The following TMEM150C variants were observed in gnomAD, a reference collection of about 807,000 sequenced individuals.
TMEM150C encodes the protein tentonin 3.
Under a neutral mutation model 29.9 loss-of-function variants are expected in TMEM150C, and 10 were observed. The observed-to-expected ratio is 0.33, with a 90% confidence interval of 0.21 to 0.57. TMEM150C has a LOEUF of 0.57. Among genes scored for constraint, TMEM150C ranks in the 20% least tolerant of loss-of-function variants. The pLI, the probability that TMEM150C is intolerant of heterozygous loss-of-function variation, is 0.88. For missense variants in TMEM150C, 251 were observed against 303.6 expected (o/e 0.83, Z 1.29); for synonymous variants, 101 against 112.5 (o/e 0.90, Z 0.64).
At chr4:82,490,355 TG>T in intron 6 of TMEM150C, 117 bp from the exon 7 acceptor site, 1 of 896,350 alleles carries the variant, frequency 1.1e-6, no homozygotes. Context: ...AATAATGGGA[TG>T]ATAGATTGCA....
rs577973648 is a variant in TMEM150C, at chr4:82,545,856, C to T, written c.-11+16050G>A. On this transcript the variant is annotated intron_variant, in intron 1 of 7. Coordinates refer to ENST00000449862, the MANE Select transcript of TMEM150C (RefSeq NM_001080506.3). ...ATGAGAATTGCTGGAACCCAGGAGGCGGAGGTTGCAGTGAGCTGAGATTGC... is the reference window on the plus strand; with the variant it reads ...ATGAGAATTGCTGGAACCCAGGAGGTGGAGGTTGCAGTGAGCTGAGATTGC... 8.8e-4 allele frequency among the ~76,000 whole-genome samples: 133 copies of T among 151,838 alleles called. 1 individual carries two copies. The highest frequency in any genetic ancestry group is 1.6e-3 in the Non-Finnish European group (108 of 67,954).
intron 1 of TMEM150C, among the ~76,000 whole-genome samples, chr4:82,553,511 G>A (rs994705140): frequency 2.6e-5 from 4 of 152,122 alleles, no homozygotes; most frequent in African/African-American, 7.2e-5. Flanking sequence ...AATAAATTGC[G>A]TGCCTTCCAA....
chr4:82,536,356 C>CAAAAAA (rs567469021), intron 1 of TMEM150C, among the ~76,000 whole-genome samples: 10 of 80,460 alleles, frequency 1.2e-4, no homozygotes, highest in Non-Finnish European at 2.2e-4. Flanking sequence ...GACTCCATCT[C>CAAAAAA]AAAAAAAAAA....
intron 1 of TMEM150C, among the ~76,000 whole-genome samples, chr4:82,529,290 CCTTT>C (rs1392459234): frequency 3.1e-4 from 42 of 133,804 alleles, no homozygotes; most frequent in Non-Finnish European, 5.1e-4. Context: ...TTCCTTCCTT[CCTTT>C]TTCTTTTTTT....
At chr4:82,529,652 G>A (rs1724772921) in intron 1 of TMEM150C, among the ~76,000 whole-genome samples, 1 of 152,166 alleles carries the variant, frequency 6.6e-6, no homozygotes, top group Non-Finnish European at 1.5e-5. Context: ...GTGAGGGCTG[G>A]AGAGAGGTCA....
intron 5 of TMEM150C, among the ~76,000 whole-genome samples, chr4:82,501,399 CG>C (rs1723732724): frequency 6.6e-6 from 1 of 152,032 alleles, no homozygotes; most frequent in Admixed American, 6.6e-5. Flanking sequence ...TTTAAAGACT[CG>C]GCAACCCCAG....
At chr4:82,528,213 C>T (rs1248007746) in intron 1 of TMEM150C, among the ~76,000 whole-genome samples, 1 of 152,208 alleles carries the variant, frequency 6.6e-6, no homozygotes, top group Non-Finnish European at 1.5e-5. Flanking sequence ...GGTGAAGCAG[C>T]ACTGATGCTG....
intron 1 of TMEM150C, among the ~76,000 whole-genome samples, chr4:82,547,633 C>A (rs984010887): frequency 6.6e-6 from 1 of 151,696 alleles, no homozygotes; most frequent in Admixed American, 6.6e-5. Context: ...CAGAGAAATG[C>A]AAATCAAAAC....
At chr4:82,538,452 C>T (rs1008874759) in intron 1 of TMEM150C, among the ~76,000 whole-genome samples, 5 of 152,076 alleles carry the variant, frequency 3.3e-5, no homozygotes, top group African/African-American at 4.8e-5. Flanking sequence ...ATAATTAATT[C>T]GCAGTCATTC....
intron 5 of TMEM150C, 109 bp downstream of exon 5, chr4:82,502,618 T>C (rs1328224536): frequency 1.8e-5 from 20 of 1,090,796 alleles, no homozygotes; most frequent in Admixed American, 1.4e-4. Flanking sequence ...CATCGTATGA[T>C]ACTAAATGAT....
chr4:82,514,702 C>A (rs1724235706), intron 1 of TMEM150C, among the ~76,000 whole-genome samples: 1 of 152,208 alleles, frequency 6.6e-6, no homozygotes, highest in African/African-American at 2.4e-5. Flanking sequence ...CTCTCCCCAT[C>A]TTCCTCTGCA....
At chr4:82,535,985 G>T (rs1724990742) in intron 1 of TMEM150C, among the ~76,000 whole-genome samples, 1 of 152,066 alleles carries the variant, frequency 6.6e-6, no homozygotes, top group African/African-American at 2.4e-5. Context: ...AATGTCCCAG[G>T]CCGGGTTGGG....
chr4:82,499,719 C>CAAAA (rs1197264258), intron 5 of TMEM150C, among the ~76,000 whole-genome samples: 548 of 40,124 alleles, frequency 0.014, 26 homozygotes, highest in East Asian at 0.039. Flanking sequence ...ACTCCGTCTC[C>CAAAA]AAAAAAAAAA....
chr4:82,540,114 CTTTTTTTTTTTTTT>C (rs577728662), intron 1 of TMEM150C, among the ~76,000 whole-genome samples: 11,862 of 47,400 alleles, frequency 0.25, 847 homozygotes, highest in Middle Eastern at 0.4. Flanking sequence ...TCTACCTATT[CTTTTTTTTTTTTTT>C]TTTTTTTTTT....
chr4:82,523,340 C>A (rs571921580), intron 1 of TMEM150C, among the ~76,000 whole-genome samples: 1 of 152,084 alleles, frequency 6.6e-6, no homozygotes, highest in Non-Finnish European at 1.5e-5. Flanking sequence ...GCATAGGGCT[C>A]AGGGGATTGG....
At chr4:82,518,811 C>T (rs941296961) in intron 1 of TMEM150C, among the ~76,000 whole-genome samples, 3 of 152,146 alleles carry the variant, frequency 2.0e-5, no homozygotes, top group African/African-American at 7.2e-5. Flanking sequence ...AGCAGCTCTA[C>T]GGTACTTGGT....
chr4:82,492,754 TTCAG>T (rs1303172927), intron 6 of TMEM150C, among the ~76,000 whole-genome samples: 2 of 144,338 alleles, frequency 1.4e-5, no homozygotes, highest in Admixed American at 6.9e-5. Flanking sequence ...TCATAATTTT[TTCAG>T]TCAATCATAC....
intron 1 of TMEM150C, among the ~76,000 whole-genome samples, chr4:82,517,266 G>A (rs530447868): frequency 2.0e-4 from 30 of 152,272 alleles, no homozygotes; most frequent in Non-Finnish European, 3.7e-4. Flanking sequence ...TAAGGTTACA[G>A]GATATGAATA....
At chr4:82,530,116 A>C (rs2110082411) in intron 1 of TMEM150C, among the ~76,000 whole-genome samples, 1 of 150,900 alleles carries the variant, frequency 6.6e-6, no homozygotes. Context: ...AGAGAGAGAG[A>C]GTGAGAGAGA....
Sources: allele counts gnomAD v4.1 joint callset (sites outside exome capture counted in the v4.1 genomes callset), GRCh38; gene constraint gnomAD v4.1.1; transcripts MANE v1.5; gene names NCBI Gene and HGNC (gene_info 2026-07-23, HGNC 2026-07-21).